RUNDC3B: variants seen among roughly 807,000 people sequenced by gnomAD.
The protein encoded by RUNDC3B is RUN domain-containing protein 3B.
In RUNDC3B, 33 loss-of-function variants were observed where a neutral mutation model predicts 58.4. That is an observed-to-expected ratio of 0.56 (90% CI 0.43 to 0.75). The LOEUF is 0.75. Among genes scored for constraint, RUNDC3B ranks in the 30% least tolerant of loss-of-function variants. RUNDC3B has a pLI of 0.00. For synonymous variants in RUNDC3B, 193 were observed against 195.2 expected, an observed-to-expected ratio of 0.99 and a Z score of 0.10; for missense variants, 501 against 535.7, an observed-to-expected ratio of 0.94 and a Z score of 0.64.
At chr7:87,768,635 C>A (rs564772737) in intron 6 of RUNDC3B, among the ~76,000 whole-genome samples, 4 of 152,216 alleles carry the variant, frequency 2.6e-5, no homozygotes, top group Non-Finnish European at 5.9e-5. Context: ...CACTTCTCAG[C>A]AGTTTGTCAC....
At chr7:87,766,684 C>T (rs1159463109) in intron 6 of RUNDC3B, among the ~76,000 whole-genome samples, 1 of 151,860 alleles carries the variant, frequency 6.6e-6, no homozygotes, top group African/African-American at 2.4e-5. Flanking sequence ...TCTTTTCTTT[C>T]ACGTTGACCT....
chr7:87,690,268 G>T (rs1400781714), intron 2 of RUNDC3B, among the ~76,000 whole-genome samples: 1 of 151,864 alleles, frequency 6.6e-6, no homozygotes, highest in Non-Finnish European at 1.5e-5. Context: ...ATTAATAGTT[G>T]TCACTGTTTA....
chr7:87,778,846 T>C (rs1834787011), intron 8 of RUNDC3B, among the ~76,000 whole-genome samples: 1 of 152,182 alleles, frequency 6.6e-6, no homozygotes, highest in South Asian at 2.1e-4. Flanking sequence ...TGTGAAAATT[T>C]TCACATATTA....
chr7:87,707,684 AAAAT>A (rs1178194541), intron 3 of RUNDC3B, among the ~76,000 whole-genome samples: 16 of 151,942 alleles, frequency 1.1e-4, no homozygotes, highest in Non-Finnish European at 1.6e-4. Context: ...AAAATAAAAT[AAAAT>A]AAATAAATAA....
At chr7:87,712,921 T>C (rs1830216634) in intron 4 of RUNDC3B, among the ~76,000 whole-genome samples, 1 of 152,114 alleles carries the variant, frequency 6.6e-6, no homozygotes, top group Admixed American at 6.6e-5. Flanking sequence ...TTTGGAACTC[T>C]TAAGAAAGGA....
chr7:87,647,490 CA>C (rs1823128510), intron 1 of RUNDC3B, among the ~76,000 whole-genome samples: 1 of 152,126 alleles, frequency 6.6e-6, no homozygotes, highest in Non-Finnish European at 1.5e-5. Flanking sequence ...AACATTGCTA[CA>C]TTTTTCTTTT....
rs1325060127 is a variant in RUNDC3B, at chr7:87,807,426, T to C, written c.1010T>C (p.Leu337Pro). Residue 337 changes from leucine to proline, a missense_variant, in exon 9 of 11, where the codon CTC becomes CCC. Leu to Pro is a moderately conservative substitution (Grantham distance 98). Coordinates refer to ENST00000394654, the MANE Select transcript of RUNDC3B (RefSeq NM_001134405.2). Reference sequence around the variant, plus strand: ...TCGAGACAAGAGTTAACTGCCCATCTCACCAACCAGTGGCCTTCTCCAGGA... The same window carrying C: ...TCGAGACAAGAGTTAACTGCCCATCCCACCAACCAGTGGCCTTCTCCAGGA... ...LRSRQELTAH[L>P]TNQWPSPGAL... The C allele has an allele frequency of 9.3e-6, 15 of 1,613,766 alleles. No individual in the cohort carries two copies. Among genetic ancestry groups the C allele is most frequent in the Non-Finnish European group, 1.3e-5 (15 of 1,179,712 alleles).
intron 2 of RUNDC3B, among the ~76,000 whole-genome samples, chr7:87,682,506 G>A (rs913826005): frequency 2.0e-5 from 3 of 152,188 alleles, no homozygotes; most frequent in African/African-American, 7.2e-5. Context: ...CTGGGCTACA[G>A]ATTGGATGTT....
chr7:87,755,235 C>T (rs1465270259), intron 6 of RUNDC3B, among the ~76,000 whole-genome samples: 1 of 152,074 alleles, frequency 6.6e-6, no homozygotes, highest in South Asian at 2.1e-4. Context: ...GTTGGCCAGG[C>T]TGGTCTCAAA....
intron 4 of RUNDC3B, among the ~76,000 whole-genome samples, chr7:87,739,498 G>A (rs960336157): frequency 2.0e-5 from 3 of 151,900 alleles, no homozygotes; most frequent in Non-Finnish European, 2.9e-5. Flanking sequence ...TGGCACTCTA[G>A]ACCCATTGAA....
intron 6 of RUNDC3B, among the ~76,000 whole-genome samples, chr7:87,770,245 G>C (rs923900118): frequency 2.6e-5 from 4 of 152,050 alleles, no homozygotes; most frequent in Non-Finnish European, 1.5e-5. Context: ...CAGTTAGAAG[G>C]CTGTTTCCAG....
chr7:87,754,289 C>G (rs1039708101), intron 6 of RUNDC3B, among the ~76,000 whole-genome samples: 1 of 152,184 alleles, frequency 6.6e-6, no homozygotes, highest in Non-Finnish European at 1.5e-5. Flanking sequence ...CTGAAAATCA[C>G]TCAAAACCAT....
At chr7:87,671,453 C>T (rs879401911) in intron 2 of RUNDC3B, among the ~76,000 whole-genome samples, 1 of 152,104 alleles carries the variant, frequency 6.6e-6, no homozygotes, top group Non-Finnish European at 1.5e-5. Context: ...GAATGGGCAC[C>T]TACTTAACAC....
intron 4 of RUNDC3B, among the ~76,000 whole-genome samples, chr7:87,721,868 A>T: frequency 6.7e-6 from 1 of 149,978 alleles, no homozygotes; most frequent in Non-Finnish European, 1.5e-5. Flanking sequence ...TTTTCTGTGT[A>T]TTTCATGGGA....
At chr7:87,646,976 C>G (rs1312659357) in intron 1 of RUNDC3B, among the ~76,000 whole-genome samples, 1 of 152,154 alleles carries the variant, frequency 6.6e-6, no homozygotes, top group East Asian at 1.9e-4. Context: ...CCATTGAGCT[C>G]CAGTTGCTGT....
At chr7:87,792,722 A>T (rs1835591957) in intron 8 of RUNDC3B, among the ~76,000 whole-genome samples, 1 of 152,078 alleles carries the variant, frequency 6.6e-6, no homozygotes, top group African/African-American at 2.4e-5. Flanking sequence ...CCTACGAGGG[A>T]ACTTCATACC....
At chr7:87,821,420 G>T (rs1837424762) in intron 10 of RUNDC3B, among the ~76,000 whole-genome samples, 1 of 152,172 alleles carries the variant, frequency 6.6e-6, no homozygotes, top group Admixed American at 6.5e-5. Context: ...AACACTCCAT[G>T]CTCATGGGTA....
At chr7:87,703,914 G>GGT (rs1829343725) in intron 3 of RUNDC3B, among the ~76,000 whole-genome samples, 3 of 42,974 alleles carry the variant, frequency 7.0e-5, no homozygotes, top group African/African-American at 9.5e-5. Context: ...TTTTTTTTTG[G>GGT]TTTTTTTTTT....
At chr7:87,674,988 C>T (rs1450011249) in intron 2 of RUNDC3B, among the ~76,000 whole-genome samples, 4 of 152,220 alleles carry the variant, frequency 2.6e-5, no homozygotes, top group African/African-American at 9.6e-5. Context: ...CAGGCTGGAG[C>T]CCTGTACCTA....
Sources: gnomAD v4.1 joint callset for allele counts (sites outside exome capture counted in the v4.1 genomes callset) on GRCh38, gnomAD v4.1.1 for gene constraint, MANE v1.5 for transcripts, NCBI Gene and HGNC (gene_info 2026-07-23, HGNC 2026-07-21) for gene names.